NDUFAF6: variants seen among roughly 807,000 people sequenced by gnomAD.
The protein encoded by NDUFAF6 is NADH dehydrogenase (ubiquinone) complex I, assembly factor 6.
A neutral mutation model predicts 40.8 loss-of-function variants in NDUFAF6; 45 were observed. The observed-to-expected ratio is 1.10, with a 90% CI of 0.87 to 1.42. The LOEUF is 1.42. NDUFAF6 is among the 40% of genes most tolerant of loss of function. NDUFAF6 has a pLI of 0.00. For synonymous variants in NDUFAF6, 185 were observed against 155.9 expected (o/e 1.19, Z -1.39); for missense variants, 435 against 418.5 (o/e 1.04, Z -0.34).
chr8:95,076,225 C>T (rs1464464800), downstream of NDUFAF6: 1 of 152,686 alleles, frequency 6.5e-6, no homozygotes, highest in Non-Finnish European at 1.5e-5. Flanking sequence ...CTAGATTTTT[C>T]ACTAATATTC....
chr8:94,972,492 A>G (rs940865915), intron 1 of NDUFAF6, among the ~76,000 whole-genome samples: 3 of 151,962 alleles, frequency 2.0e-5, no homozygotes, highest in African/African-American at 7.3e-5. Flanking sequence ...GCCCGCCTCA[A>G]CCTCCCAAAG....
chr8:94,995,776 A>G (rs75678391), intron 2 of NDUFAF6, among the ~76,000 whole-genome samples: 1,707 of 152,224 alleles, frequency 0.011, 35 homozygotes, highest in African/African-American at 0.038. Flanking sequence ...TCCAGGCTAC[A>G]TTGCTTACTC....
rs569561288 is a variant in NDUFAF6, at chr8:95,026,145, C to T, written c.197+940C>T. Among the ~76,000 whole-genome samples the T allele has an allele frequency of 6.6e-5, 10 of 152,096 alleles. No individual in the cohort carries two copies. The East Asian group carries it at 1.9e-3, about 29-fold the overall frequency. On this transcript the variant is annotated intron_variant, in intron 1 of 8. Coordinates refer to ENST00000396124, the MANE Select transcript of NDUFAF6 (RefSeq NM_152416.4). ...GCAGCATAACACAACAAAATGCATG[C>T]ATTTCAGTGTTTTGTTTATAATCCC...
chr8:95,056,000 T>C, intron 8 of NDUFAF6, among the ~76,000 whole-genome samples: 1 of 152,180 alleles, frequency 6.6e-6, no homozygotes, highest in East Asian at 1.9e-4. Context: ...AAGAAGTCTT[T>C]CATCATTTTA....
rs765646440 is a variant in NDUFAF6 at position 94,939,845 on chromosome 8, A to G, written c.-935-5638A>G. ...CAGTGGACTGCCTACAGAGAGTTAA[A>G]TACTTGTAACGTACCTGGGACTACT... On this transcript the variant is annotated intron_variant, in intron 1 of 14. Coordinates refer to the NDUFAF6 transcript ENST00000396113. 4.1e-5 allele frequency: 66 copies of G among 1,602,888 alleles called. No individual in the cohort carries two copies. The South Asian group carries it at 6.8e-4, about 17-fold the overall frequency.
In NDUFAF6 at chr8:94,909,760, AAAAT is replaced by A. The variant is rs1379796951; in HGVS notation, c.-936+13845_-936+13848del. On this transcript the variant is annotated intron_variant, in intron 1 of 14. Transcript: ENST00000396113. Reference sequence around the variant, plus strand: ...GGCAACATAGTGAGACCTCATCTCTAAAATAAATAAATAAAAATTATATATGTGT... The same window carrying A: ...GGCAACATAGTGAGACCTCATCTCTAAAATAAATAAAAATTATATATGTGT... Among the ~76,000 whole-genome samples, 21 of 151,782 alleles carry A rather than the reference AAAAT, an allele frequency of 1.4e-4. No individual in the cohort carries two copies. The East Asian group carries it at 3.7e-3, about 27-fold the overall frequency.
At chr8:95,003,176 C>T (rs1306961921) in intron 2 of NDUFAF6, among the ~76,000 whole-genome samples, 1 of 152,188 alleles carries the variant, frequency 6.6e-6, no homozygotes, top group African/African-American at 2.4e-5. Context: ...TCTCTAACTA[C>T]AGGTTGCAAC....
At chr8:95,041,524 C>A (rs1830142819) in intron 3 of NDUFAF6, 46 bp from the exon 4 acceptor site, 1 of 1,351,424 alleles carries the variant, frequency 7.4e-7, no homozygotes, top group East Asian at 2.3e-5. Flanking sequence ...CTACAGAAGT[C>A]ATTTCTAGTA....
chr8:95,038,256 C>G (rs1198126823), intron 3 of NDUFAF6, among the ~76,000 whole-genome samples: 1 of 152,186 alleles, frequency 6.6e-6, no homozygotes, highest in East Asian at 1.9e-4. Flanking sequence ...TCCTCTCCTC[C>G]TTCTCCTATT....
At chr8:94,954,403 C>T (rs1822897540), upstream of NDUFAF6, among the ~76,000 whole-genome samples, 1 of 152,122 alleles carries the variant, frequency 6.6e-6, no homozygotes, top group Non-Finnish European at 1.5e-5. Flanking sequence ...ATGCCAGGCA[C>T]CAGGGATACA....
intron 1 of NDUFAF6, among the ~76,000 whole-genome samples, chr8:94,920,536 G>A (rs1819428232): frequency 6.6e-6 from 1 of 152,228 alleles, no homozygotes; most frequent in Non-Finnish European, 1.5e-5. Flanking sequence ...TGCAGTCCCT[G>A]CATGTCCCCC....
At chr8:94,997,347 G>GC (rs1826496384) in intron 2 of NDUFAF6, among the ~76,000 whole-genome samples, 1 of 125,318 alleles carries the variant, frequency 8.0e-6, no homozygotes, top group Non-Finnish European at 1.8e-5. Flanking sequence ...CACACACAGA[G>GC]AGAGAGAGAG....
chr8:95,006,285 G>A (rs1962466), intron 2 of NDUFAF6, among the ~76,000 whole-genome samples: 10,341 of 150,126 alleles, frequency 0.069, 512 homozygotes, highest in African/African-American at 0.14. Flanking sequence ...AACCTGGGAG[G>A]TGGAGGTTGC....
chr8:94,932,157 G>A (rs1448469235), intron 1 of NDUFAF6: 1 of 1,570,930 alleles, frequency 6.4e-7, no homozygotes. Flanking sequence ...GATTTAAAAT[G>A]CTATTGTAAC....
chr8:94,937,157 C>G (rs1821056835), intron 1 of NDUFAF6, among the ~76,000 whole-genome samples: 1 of 152,114 alleles, frequency 6.6e-6, no homozygotes, highest in Admixed American at 6.6e-5. Flanking sequence ...TTTCTTCAGA[C>G]CAAAGGACAC....
chr8:95,026,222 C>T (rs898104390), intron 1 of NDUFAF6, among the ~76,000 whole-genome samples: 10 of 152,124 alleles, frequency 6.6e-5, no homozygotes, highest in African/African-American at 2.4e-4. Context: ...AATCTCCGCA[C>T]TTTAGGAGGC....
At chr8:94,939,942 C>A in intron 1 of NDUFAF6, 1 of 1,614,126 alleles carries the variant, frequency 6.2e-7, no homozygotes, top group South Asian at 1.1e-5. Context: ...ACAGCATAGA[C>A]AGACATGCTG....
intron 4 of NDUFAF6, among the ~76,000 whole-genome samples, chr8:95,108,637 G>A (rs949402286): frequency 1.3e-5 from 2 of 152,160 alleles, no homozygotes; most frequent in African/African-American, 2.4e-5. Flanking sequence ...GGATAGTGGC[G>A]ATGGTTGCAC....
intron 3 of NDUFAF6, among the ~76,000 whole-genome samples, chr8:95,040,295 C>T (rs1830009944): frequency 6.6e-6 from 1 of 152,186 alleles, no homozygotes. Context: ...CTCAGAGTAT[C>T]ACATGTAGAG....
Sources: gnomAD v4.1 joint callset for allele counts (sites outside exome capture counted in the v4.1 genomes callset) on GRCh38, gnomAD v4.1.1 for gene constraint, MANE v1.5 for transcripts, NCBI Gene and HGNC (gene_info 2026-07-23, HGNC 2026-07-21) for gene names.